The following RAB5A variants were observed in gnomAD, a reference collection of about 807,000 sequenced individuals.
RAB5A encodes RAB5A, member RAS oncogene family.
A neutral mutation model predicts 25.7 loss-of-function variants in RAB5A; 8 were observed. The observed-to-expected ratio is 0.31, with a 90% CI of 0.18 to 0.56. The LOEUF is 0.56. Among genes scored for constraint, RAB5A ranks in the 20% least tolerant of loss-of-function variants. RAB5A has a pLI of 0.91. For synonymous variants in RAB5A, 98 were observed against 89.8 expected (o/e 1.09, Z -0.52); for missense variants, 192 against 259.7 (o/e 0.74, Z 1.79).
intron 2 of RAB5A, among the ~76,000 whole-genome samples, chr3:19,957,080 C>T (rs113034322): frequency 6.6e-6 from 1 of 151,644 alleles, no homozygotes; most frequent in African/African-American, 2.4e-5. Context: ...TAGGCATGCA[C>T]CCCACACTTG....
intron 2 of RAB5A, among the ~76,000 whole-genome samples, chr3:19,961,493 T>A (rs926066701): frequency 6.6e-6 from 1 of 152,168 alleles, no homozygotes; most frequent in African/African-American, 2.4e-5. Flanking sequence ...TTGCTATGTA[T>A]CACTTAAGGA....
intron 1 of RAB5A, among the ~76,000 whole-genome samples, chr3:19,949,805 G>C (rs761327039): frequency 1.3e-5 from 2 of 152,178 alleles, no homozygotes; most frequent in Admixed American, 6.5e-5. Flanking sequence ...AGCACTTTGC[G>C]AGGCTGAGGC....
At chr3:19,972,978 G>A (rs1696772047) in intron 2 of RAB5A, among the ~76,000 whole-genome samples, 1 of 152,098 alleles carries the variant, frequency 6.6e-6, no homozygotes, top group South Asian at 2.1e-4. Flanking sequence ...AATTAACTTA[G>A]CTCCAAAAAG....
chr3:19,983,886 G>A lies in RAB5A; in HGVS notation c.*63G>A, dbSNP rs1303746061. 1.2e-4 allele frequency: 144 copies of A among 1,171,748 alleles called. No individual in the cohort carries two copies. Among genetic ancestry groups the A allele is most frequent in the Non-Finnish European group, 1.7e-4 (136 of 805,052 alleles). The allele number at this position is 1,171,748 out of a possible 1,614,324, so 72.6% of individuals were successfully genotyped here. A position where few individuals can be genotyped will look rare whatever the true frequency, so the allele number is the denominator to read the frequency against. ...CCTAAATGTTAATAACAATGGAATTGGAGCATTTAACCAGCCCAGTATGAC... is the reference window on the plus strand; with the variant it reads ...CCTAAATGTTAATAACAATGGAATTAGAGCATTTAACCAGCCCAGTATGAC... On this transcript the variant is annotated 3_prime_UTR_variant, in exon 6 of 6. Coordinates refer to ENST00000273047, the MANE Select transcript of RAB5A (RefSeq NM_004162.5).
intron 5 of RAB5A, 131 bp downstream of exon 5, chr3:19,978,534 A>T (rs1039791397): frequency 4.2e-5 from 24 of 573,696 alleles, no homozygotes; most frequent in African/African-American, 2.3e-4. Context: ...TGTGTGTGAG[A>T]GAGAGAGAGA....
chr3:19,980,653 C>A (rs1398618242), intron 5 of RAB5A, among the ~76,000 whole-genome samples: 1 of 152,152 alleles, frequency 6.6e-6, no homozygotes, highest in Non-Finnish European at 1.5e-5. Context: ...ATTACTCAAT[C>A]TGGAACCTAA....
At chr3:19,972,940 T>C (rs756189206) in intron 2 of RAB5A, among the ~76,000 whole-genome samples, 1 of 152,152 alleles carries the variant, frequency 6.6e-6, no homozygotes, top group Non-Finnish European at 1.5e-5. Context: ...TGCAACCAAC[T>C]GCAAGTTGAA....
intron 2 of RAB5A, among the ~76,000 whole-genome samples, chr3:19,966,657 A>G (rs1294132253): frequency 6.6e-6 from 1 of 152,196 alleles, no homozygotes; most frequent in Admixed American, 6.5e-5. Flanking sequence ...GTTTCTCCAC[A>G]TGATCACCCA....
chr3:19,956,432 C>T (rs188814599), intron 2 of RAB5A, among the ~76,000 whole-genome samples: 14 of 152,146 alleles, frequency 9.2e-5, no homozygotes, highest in Admixed American at 2.6e-4. Context: ...CCAGCCTGGG[C>T]GACAGGGCGA....
At chr3:19,980,990 G>A (rs1292679516) in intron 5 of RAB5A, among the ~76,000 whole-genome samples, 2 of 152,186 alleles carry the variant, frequency 1.3e-5, no homozygotes, top group Non-Finnish European at 2.9e-5. Context: ...AAAGCAGAGT[G>A]TATTCAATTT....
intron 1 of RAB5A, among the ~76,000 whole-genome samples, chr3:19,949,546 A>G (rs2125176978): frequency 6.6e-6 from 1 of 152,322 alleles, no homozygotes; most frequent in East Asian, 1.9e-4. Flanking sequence ...GAAATATAGC[A>G]GGGTTTTTAG....
At chr3:19,972,066 A>G (rs188820057) in intron 2 of RAB5A, among the ~76,000 whole-genome samples, 3 of 152,258 alleles carry the variant, frequency 2.0e-5, no homozygotes, top group African/African-American at 4.8e-5. Flanking sequence ...AATGCTCCCA[A>G]ATTCTTCGAG....
In RAB5A at chr3:19,947,137, G is replaced by T. The variant is rs866172626; in HGVS notation, c.-478G>T. The T allele has an allele frequency of 6.4e-6, 1 of 156,374 alleles. No homozygotes were observed. Among genetic ancestry groups the T allele is most frequent in the South Asian group, 1.8e-4 (1 of 5,620 alleles). 9.7% of individuals were successfully genotyped at this position (156,374 alleles called of 1,614,324 possible). A position where few individuals can be genotyped will look rare whatever the true frequency, so the allele number is the denominator to read the frequency against. The stretch of plus-strand genomic sequence containing the variant: ...GCGACGTGGCGGCGGGGCCGGCACC[G>T]GGCAGCGGAAGTGGCTCCGGCGGTG... On this transcript the variant is annotated 5_prime_UTR_variant, in exon 1 of 6. Coordinates refer to ENST00000273047, the MANE Select transcript of RAB5A (RefSeq NM_004162.5).
intron 2 of RAB5A, among the ~76,000 whole-genome samples, chr3:19,959,403 T>A (rs1696551406): frequency 6.6e-6 from 1 of 151,902 alleles, no homozygotes; most frequent in African/African-American, 2.4e-5. Context: ...TTTTAAAAAT[T>A]AAGCCTAAAT....
chr3:19,951,701 G>GTTTTTTTTTTTTTTTT (rs61250458), intron 2 of RAB5A, among the ~76,000 whole-genome samples: 3,400 of 98,642 alleles, frequency 0.034, 275 homozygotes, highest in Non-Finnish European at 0.049. Flanking sequence ...TGCCAGGCAA[G>GTTTTTTTTTTTTTTTT]TTTTTTTTTT....
At chr3:19,975,306 A>G (rs1696807454) in intron 2 of RAB5A, among the ~76,000 whole-genome samples, 1 of 152,126 alleles carries the variant, frequency 6.6e-6, no homozygotes, top group East Asian at 1.9e-4. Context: ...GAAGTTTTTC[A>G]ATCTGTGATT....
At position 19,959,750 on chromosome 3, in the gene RAB5A, C is replaced by T. The variant is rs1231939256; in HGVS notation, c.163+8689C>T. The stretch of plus-strand genomic sequence containing the variant: ...CAAGCAGTCGTCTCACCTCAGCCTC[C>T]CAAGTAGCTGGGACTACAGGTGTGC... On this transcript the variant is annotated intron_variant, in intron 2 of 5. Coordinates refer to ENST00000273047, the MANE Select transcript of RAB5A (RefSeq NM_004162.5). Among the ~76,000 whole-genome samples the T allele has an allele frequency of 2.6e-5, 4 of 151,742 alleles. No individual in the cohort carries two copies. In the South Asian group the frequency reaches 6.3e-4, roughly 24 times the overall value.
rs34872300 is a variant in RAB5A, at chr3:19,983,345, CA to C, written c.533-345del. 8.6e-3 allele frequency among the ~76,000 whole-genome samples: 788 copies of C among 92,084 alleles called. 5 individuals carry two copies. Among genetic ancestry groups the C allele is most frequent in the African/African-American group, 0.029 (694 of 24,340 alleles). 60.4% of individuals were successfully genotyped at this position (92,084 alleles called of 152,430 possible). On this transcript the variant is annotated intron_variant, in intron 5 of 5. Transcript: ENST00000273047. Reference sequence around the variant, plus strand: ...TGGGTGACAGAGTGAGACTACATCTCAAAAAAAAAAAAAAAAAAGAAGTAAT... The same window carrying C: ...TGGGTGACAGAGTGAGACTACATCTCAAAAAAAAAAAAAAAAAGAAGTAAT...
chr3:19,972,240 C>T (rs1331242763), intron 2 of RAB5A, among the ~76,000 whole-genome samples: 3 of 152,160 alleles, frequency 2.0e-5, no homozygotes, highest in African/African-American at 7.2e-5. Flanking sequence ...GACTTGGATC[C>T]CTTCCCAAAA....
Sources: gnomAD v4.1 joint callset for allele counts (sites outside exome capture counted in the v4.1 genomes callset) on GRCh38, gnomAD v4.1.1 for gene constraint, MANE v1.5 for transcripts, NCBI Gene and HGNC (gene_info 2026-07-23, HGNC 2026-07-21) for gene names.